Variants in KYAT3 observed in about 807,000 individuals in gnomAD.
KYAT3 encodes the protein kynurenine--oxoglutarate transaminase 3.
KYAT3 carries 50 observed loss-of-function variants against 59.0 expected under a neutral mutation model. That is an observed-to-expected ratio of 0.85 (90% confidence interval 0.68 to 1.07). The LOEUF (loss-of-function observed/expected upper bound fraction) is 1.07. Among genes scored for constraint, KYAT3 ranks in the 50% least tolerant of loss-of-function variants. The probability of loss-of-function intolerance (pLI) is 0.00; values close to 1 mark genes in which losing one functional copy is unlikely to be tolerated. For missense variants in KYAT3, 497 were observed against 533.3 expected (o/e 0.93, Z 0.67); for synonymous variants, 148 against 177.0 (o/e 0.84, Z 1.30).
intron 11 of KYAT3, among the ~76,000 whole-genome samples, chr1:88,945,044 A>C (rs988055077): frequency 6.6e-6 from 1 of 152,018 alleles, no homozygotes; most frequent in Admixed American, 6.6e-5. Context: ...GAATTTCACC[A>C]TGTTGGTCAG....
At chr1:88,986,199 A>G (rs1375278006) in intron 2 of KYAT3, among the ~76,000 whole-genome samples, 8 of 150,704 alleles carry the variant, frequency 5.3e-5, no homozygotes, top group African/African-American at 2.0e-4. Flanking sequence ...AAAAAGAGAG[A>G]GAGAGAGAGA....
At chr1:88,982,395 T>C in intron 2 of KYAT3, 1 of 828,162 alleles carries the variant, frequency 1.2e-6, no homozygotes, top group Non-Finnish European at 1.7e-6. Flanking sequence ...CTTGGAAAGT[T>C]ACAACACTAG....
Position 88,955,134 on chromosome 1 carries a change from T to G in KYAT3, c.864+15A>C. 1 of 1,541,686 alleles carries G rather than the reference T, an allele frequency of 6.5e-7. No individual in the cohort carries two copies. The highest frequency in any genetic ancestry group is 1.1e-5 in the South Asian group (1 of 89,458). On this transcript the variant is annotated intron_variant, in intron 9 of 13. Transcript: ENST00000260508. ...CAGGCCTATTTTTAAGCAATTAAAT[T>G]CTTACTCATCTTACCTTCCAGCCAG...
intron 8 of KYAT3, among the ~76,000 whole-genome samples, chr1:88,959,538 A>G (rs1676062347): frequency 6.8e-6 from 1 of 146,270 alleles, no homozygotes; most frequent in Non-Finnish European, 1.5e-5. Flanking sequence ...GCACCACTGC[A>G]CTCCATCCTG....
At chr1:88,953,475 G>C (rs954264241) in intron 9 of KYAT3, among the ~76,000 whole-genome samples, 4 of 150,622 alleles carry the variant, frequency 2.7e-5, no homozygotes, top group Admixed American at 1.3e-4. Context: ...CAACCCAGGA[G>C]GCAGAGGTTG....
At position 88,942,589 on chromosome 1, in the gene KYAT3, G is replaced by C. The variant is rs578073217; in HGVS notation, c.1302+416C>G. On this transcript the variant is annotated intron_variant, in intron 13 of 13. Transcript: ENST00000260508. ...AGTTAATTTTTTTTTTTGAGACGGA[G>C]TCGCGCTCTGTTGCCCAGGCTGGAG... Among the ~76,000 whole-genome samples, 24 of 151,872 alleles carry C rather than the reference G, an allele frequency of 1.6e-4. 1 individual carries two copies. The South Asian group carries it at 2.7e-3, about 17-fold the overall frequency.
chr1:88,944,196 A>C, intron 11 of KYAT3, among the ~76,000 whole-genome samples: 1 of 152,210 alleles, frequency 6.6e-6, no homozygotes, highest in East Asian at 1.9e-4. Flanking sequence ...ATCTTCTTGA[A>C]TGCCCTAAAG....
At chr1:88,969,674 C>T (rs951640238) in intron 2 of KYAT3, among the ~76,000 whole-genome samples, 4 of 150,808 alleles carry the variant, frequency 2.7e-5, no homozygotes, top group South Asian at 2.1e-4. Context: ...TTTTCTCAGA[C>T]GTGGTTGCCC....
chr1:88,954,182 G>A (rs1001618651), intron 9 of KYAT3, among the ~76,000 whole-genome samples: 4 of 152,212 alleles, frequency 2.6e-5, no homozygotes, highest in African/African-American at 9.6e-5. Flanking sequence ...ACAGGCGTGC[G>A]CTACCACGCC....
chr1:88,942,459 G>A (rs928143504), intron 13 of KYAT3, among the ~76,000 whole-genome samples: 2 of 151,792 alleles, frequency 1.3e-5, no homozygotes, highest in African/African-American at 4.8e-5. Context: ...GTTTTCTTAT[G>A]TCTAGTAATT....
intron 2 of KYAT3, among the ~76,000 whole-genome samples, chr1:88,972,459 A>T (rs1303055149): frequency 6.6e-6 from 1 of 152,224 alleles, no homozygotes; most frequent in African/African-American, 2.4e-5. Context: ...GAATTTTTTT[A>T]AAAAAACCTC....
rs1188879779 is a variant in KYAT3, at chr1:88,969,418, C to G, written c.149G>C (p.Ser50Thr). 2 of 1,559,616 alleles carry G rather than the reference C, an allele frequency of 1.3e-6. No homozygotes were observed. The highest frequency in any genetic ancestry group is 1.4e-5 in the African/African-American group (1 of 73,770). ...ATTTTAAGATACTCACCACACATTA[C>G]TATCAAGTCCTTCAATCCGTTTTGC... ...TNAKRIEGLD[S>T]NVWIEFTKLA... The change falls in exon 3 of 14, where the codon AGT becomes ACT. Residue 50 changes from serine to threonine, a missense_variant. Coordinates refer to ENST00000260508, the MANE Select transcript of KYAT3 (RefSeq NM_001008661.3).
intron 11 of KYAT3, 133 bp from the exon 12 acceptor site, chr1:88,943,556 C>T (rs28533129): frequency 3.2e-6 from 2 of 625,022 alleles, no homozygotes; most frequent in Non-Finnish European, 5.7e-6. Flanking sequence ...AGAACATAGT[C>T]ACAGAATATG....
chr1:88,931,142 T>C (rs549945876), downstream of KYAT3, among the ~76,000 whole-genome samples: 57 of 152,280 alleles, frequency 3.7e-4, no homozygotes, highest in African/African-American at 1.3e-3. Context: ...ACCTTTCACT[T>C]AGGCATTGAT....
intron 11 of KYAT3, among the ~76,000 whole-genome samples, chr1:88,945,052 C>A (rs912286940): frequency 6.6e-6 from 1 of 152,062 alleles, no homozygotes; most frequent in Admixed American, 6.6e-5. Context: ...CCATGTTGGT[C>A]AGGCTGGTCT....
At chr1:88,925,140 C>T in the KYAT3 span, among the ~76,000 whole-genome samples, 2 of 152,214 alleles carry the variant, frequency 1.3e-5, no homozygotes, top group African/African-American at 2.4e-5. Context: ...GGGCACCTGT[C>T]GTCCGGTTCG....
At chr1:88,971,641 T>C (rs1177168775) in intron 2 of KYAT3, among the ~76,000 whole-genome samples, 1 of 152,212 alleles carries the variant, frequency 6.6e-6, no homozygotes, top group African/African-American at 2.4e-5. Context: ...AGCACCCATT[T>C]TCTTCTCCTG....
chr1:88,942,609 C>T (rs1368156595), intron 13 of KYAT3, among the ~76,000 whole-genome samples: 1 of 152,016 alleles, frequency 6.6e-6, no homozygotes, highest in Non-Finnish European at 1.5e-5. Flanking sequence ...GTTGCCCAGG[C>T]TGGAGTGCAG....
chr1:88,982,642 TTTTG>T, intron 2 of KYAT3: 1 of 1,578,016 alleles, frequency 6.3e-7, no homozygotes, highest in Admixed American at 1.9e-5. Flanking sequence ...TGGTCCAAAG[TTTTG>T]TTTGTTTCTA....
Sources: gnomAD v4.1 joint callset for allele counts (sites outside exome capture counted in the v4.1 genomes callset) on GRCh38, gnomAD v4.1.1 for gene constraint, MANE v1.5 for transcripts, NCBI Gene and HGNC (gene_info 2026-07-23, HGNC 2026-07-21) for gene names.